The following TMEM135 variants were observed in gnomAD, a reference collection of about 807,000 sequenced individuals.
TMEM135 encodes the protein peroxisomal membrane protein 52.
TMEM135 carries 30 observed loss-of-function variants against 60.3 expected under a neutral mutation model. That is an observed-to-expected ratio of 0.50 (90% confidence interval 0.37 to 0.68). The LOEUF (loss-of-function observed/expected upper bound fraction) is 0.68. Among genes scored for constraint, TMEM135 ranks in the 30% least tolerant of loss-of-function variants. The probability of loss-of-function intolerance (pLI) is 0.00; values close to 1 mark genes in which losing one functional copy is unlikely to be tolerated. For synonymous variants in TMEM135, 190 were observed against 186.7 expected, an observed-to-expected ratio of 1.02 and a Z score of -0.14; for missense variants, 468 against 548.8, an observed-to-expected ratio of 0.85 and a Z score of 1.47.
At chr11:87,301,037 C>T (rs1261014402) in intron 7 of TMEM135, among the ~76,000 whole-genome samples, 2 of 152,060 alleles carry the variant, frequency 1.3e-5, no homozygotes, top group African/African-American at 2.4e-5. Flanking sequence ...TATGTACACC[C>T]GTAAGTAAGA....
rs535363497 is a variant in TMEM135 at position 87,054,304 on chromosome 11, G to C, written c.142-13390G>C. Among the ~76,000 whole-genome samples, 3 of 152,200 alleles carry C rather than the reference G, an allele frequency of 2.0e-5. No individual in the cohort carries two copies. The East Asian group carries it at 5.8e-4, about 29-fold the overall frequency. On this transcript the variant is annotated intron_variant, in intron 1 of 14. Coordinates refer to ENST00000305494, the MANE Select transcript of TMEM135 (RefSeq NM_022918.4). ...ACAAAAATTAGCTGGGCATGGTGGC[G>C]TGTGCCTGTAATCCCAGCTACTGGG... is the stretch of plus-strand genomic sequence containing the variant.
chr11:87,256,175 G>A (rs78043280), intron 6 of TMEM135, among the ~76,000 whole-genome samples: 3 of 152,018 alleles, frequency 2.0e-5, no homozygotes, highest in Admixed American at 6.6e-5. Flanking sequence ...ACTAAATGTC[G>A]CTTTATGTTT....
At chr11:87,218,919 G>A (rs189337705) in intron 5 of TMEM135, among the ~76,000 whole-genome samples, 145 of 152,212 alleles carry the variant, frequency 9.5e-4, no homozygotes, top group African/African-American at 3.2e-3. Context: ...CTCTGATCAC[G>A]CCACTGCACT....
intron 6 of TMEM135, among the ~76,000 whole-genome samples, chr11:87,275,063 C>T (rs550232402): frequency 1.3e-5 from 2 of 150,602 alleles, no homozygotes; most frequent in African/African-American, 4.9e-5. Flanking sequence ...TTTGAGATGC[C>T]CTTGTGTTTA....
intron 1 of TMEM135, among the ~76,000 whole-genome samples, chr11:87,053,118 A>G (rs1291616537): frequency 8.0e-6 from 1 of 124,238 alleles, no homozygotes; most frequent in Non-Finnish European, 1.6e-5. Context: ...GAACAATGAG[A>G]TCACATGGAC....
At chr11:87,150,600 C>T (rs992185530) in intron 4 of TMEM135, among the ~76,000 whole-genome samples, 8 of 152,166 alleles carry the variant, frequency 5.3e-5, no homozygotes, top group Non-Finnish European at 1.2e-4. Flanking sequence ...ACTTTTCTTG[C>T]TACCTTATGT....
At chr11:87,118,438 C>T (rs1254573885) in intron 4 of TMEM135, among the ~76,000 whole-genome samples, 1 of 151,782 alleles carries the variant, frequency 6.6e-6, no homozygotes, top group African/African-American at 2.4e-5. Flanking sequence ...TTCTGGATAA[C>T]TTCCTGTAGC....
At chr11:87,219,398 T>C (rs564568038) in intron 5 of TMEM135, among the ~76,000 whole-genome samples, 2 of 152,108 alleles carry the variant, frequency 1.3e-5, no homozygotes, top group South Asian at 4.2e-4. Flanking sequence ...TTTTGGCTTA[T>C]GGACAGCAGC....
At chr11:87,054,572 A>T (rs1457543767) in intron 1 of TMEM135, among the ~76,000 whole-genome samples, 1 of 152,140 alleles carries the variant, frequency 6.6e-6, no homozygotes, top group Non-Finnish European at 1.5e-5. Context: ...AGAATGCTGA[A>T]TTTTTTCAAC....
intron 4 of TMEM135, among the ~76,000 whole-genome samples, chr11:87,106,472 T>C (rs1389225514): frequency 6.6e-6 from 1 of 152,200 alleles, no homozygotes; most frequent in Non-Finnish European, 1.5e-5. Context: ...AGTATTTTGT[T>C]AAGGATTTTG....
chr11:87,159,617 A>ACACACACACACACACACACCCCCCCCCC (rs140303858), intron 5 of TMEM135, among the ~76,000 whole-genome samples: 5 of 149,452 alleles, frequency 3.3e-5, no homozygotes, highest in African/African-American at 1.2e-4. Flanking sequence ...ACACACACAC[A>ACACACACACACACACACACCCCCCCCCC]CCATAGATTT....
chr11:87,039,639 G>A (rs2445574), intron 1 of TMEM135, among the ~76,000 whole-genome samples: 88,542 of 152,068 alleles, frequency 0.58, 27,649 homozygotes, highest in East Asian at 0.81. Context: ...GCGCAATCAC[G>A]GCTCACTGCA....
At chr11:87,268,644 C>A (rs896672094) in intron 6 of TMEM135, among the ~76,000 whole-genome samples, 4 of 151,464 alleles carry the variant, frequency 2.6e-5, no homozygotes, top group African/African-American at 4.9e-5. Context: ...ATAGATTTAA[C>A]AAAGAATTCT....
At chr11:87,133,997 A>G (rs1938014460) in intron 4 of TMEM135, among the ~76,000 whole-genome samples, 1 of 145,070 alleles carries the variant, frequency 6.9e-6, no homozygotes, top group Non-Finnish European at 1.5e-5. Flanking sequence ...CATACAAGTC[A>G]TTGTATGGGC....
At chr11:87,132,313 G>A (rs968744819) in intron 4 of TMEM135, among the ~76,000 whole-genome samples, 1 of 152,040 alleles carries the variant, frequency 6.6e-6, no homozygotes, top group Admixed American at 6.6e-5. Context: ...AGTACCTAAG[G>A]CAGTGATTGG....
At chr11:87,200,736 T>A (rs1940074641) in intron 5 of TMEM135, among the ~76,000 whole-genome samples, 2 of 143,070 alleles carry the variant, frequency 1.4e-5, no homozygotes, top group South Asian at 4.6e-4. Context: ...CAGAATAGTT[T>A]CACTGCTGCA....
chr11:87,136,965 C>T (rs1938119345), intron 4 of TMEM135, among the ~76,000 whole-genome samples: 1 of 151,928 alleles, frequency 6.6e-6, no homozygotes, highest in Non-Finnish European at 1.5e-5. Flanking sequence ...TTGTTTAGTG[C>T]AATGCTCTAT....
intron 6 of TMEM135, among the ~76,000 whole-genome samples, chr11:87,288,414 G>C (rs1734070948): frequency 6.6e-6 from 1 of 152,088 alleles, no homozygotes; most frequent in African/African-American, 2.4e-5. Flanking sequence ...TTTATAAAAT[G>C]ATAAGCAAGT....
chr11:87,042,006 T>C (rs1949753986), intron 1 of TMEM135, among the ~76,000 whole-genome samples: 1 of 152,230 alleles, frequency 6.6e-6, no homozygotes, highest in African/African-American at 2.4e-5. Context: ...AGCTTTCCCC[T>C]TGGCCCTCTG....
Sources: allele counts gnomAD v4.1 joint callset (sites outside exome capture counted in the v4.1 genomes callset), GRCh38; gene constraint gnomAD v4.1.1; transcripts MANE v1.5; gene names NCBI Gene and HGNC (gene_info 2026-07-23, HGNC 2026-07-21).